The following PRR23C variants were observed in gnomAD, a reference collection of about 807,000 sequenced individuals.
The protein encoded by PRR23C is proline rich 23C, also known as proline-rich protein 23C.
PRR23C carries 1 observed loss-of-function variant against 0.1 expected under a neutral mutation model. The observed-to-expected ratio is 6.80, with a 90% CI of 2.41 to 32.24. PRR23C has a LOEUF of 32.24. PRR23C is among the 30% of genes most tolerant of loss of function. The pLI, the probability that PRR23C is intolerant of heterozygous loss-of-function variation, is 0.11. For missense variants in PRR23C, 361 were observed against 370.4 expected (o/e 0.97, Z 0.21); for synonymous variants, 172 against 168.1 (o/e 1.02, Z -0.18).
rs752430754 is a variant in PRR23C at position 139,043,998 on chromosome 3, C to G, written c.623G>C (p.Arg208Thr). 2 of 1,612,616 alleles carry G rather than the reference C, an allele frequency of 1.2e-6. No individual in the cohort carries two copies. The highest frequency in any genetic ancestry group is 2.2e-5 in the South Asian group (2 of 90,770). Reference sequence around the variant, plus strand: ...GTCGAAGATGGGGCGTGGAGAGCGTCTCTCTGAACTGGGGTTGGGGGCCAG... The same window carrying G: ...GTCGAAGATGGGGCGTGGAGAGCGTGTCTCTGAACTGGGGTTGGGGGCCAG... Reference protein sequence around the residue: ...CALAPNPSSERRSPRPIFDLE... With the variant: ...CALAPNPSSETRSPRPIFDLE... The change falls in exon 1 of 1, where the codon AGA becomes ACA. Residue 208 changes from arginine (R) to threonine (T), a missense_variant. Transcript: ENST00000413199.
chr3:139,044,254 C>G lies in PRR23C; in HGVS notation c.367G>C (p.Glu123Gln). 1 of 1,609,662 alleles carries G rather than the reference C, an allele frequency of 6.2e-7. No individual in the cohort carries two copies. The highest frequency in any genetic ancestry group is 2.2e-5 in the East Asian group (1 of 44,656). Residue 123 changes from glutamate (E) to glutamine (Q), a missense_variant, in exon 1 of 1, where the codon GAA becomes CAA. Coordinates refer to ENST00000413199, the MANE Select transcript of PRR23C (RefSeq NM_001134657.1). The surrounding 1 kb of genome is among the most constrained non-coding windows in gnomAD (Gnocchi z 7.5). Reference sequence around the variant, plus strand: ...TGAGCGCCCAGGAAAACGTCCACTTCCAGGCCGGCAGACCAGTCGCCCTGC... The same window carrying G: ...TGAGCGCCCAGGAAAACGTCCACTTGCAGGCCGGCAGACCAGTCGCCCTGC... ...GAQGDWSAGL[E>Q]VDVFLGAHGE...
chr3:139,044,660 A>G lies in PRR23C; in HGVS notation c.-40T>C. ...TGCGGACGGCGCTCCTGGGCCTGGC[A>G]GGGGACGTGGGTGCGGGGGGCTCGG... On this transcript the variant is annotated 5_prime_UTR_variant, in exon 1 of 1. Coordinates refer to ENST00000413199, the MANE Select transcript of PRR23C (RefSeq NM_001134657.1). The surrounding 1 kb of genome is among the most constrained non-coding windows in gnomAD (Gnocchi z 7.5). The G allele has an allele frequency of 2.7e-6, 4 of 1,455,502 alleles. No homozygotes were observed. Among genetic ancestry groups the G allele is most frequent in the South Asian group, 1.4e-5 (1 of 69,572 alleles). 90.2% of individuals were successfully genotyped at this position (1,455,502 alleles called of 1,614,324 possible). A position where few individuals can be genotyped will look rare whatever the true frequency, so the allele number is the denominator to read the frequency against.
chr3:139,043,960 G>A lies in PRR23C; in HGVS notation c.661C>T (p.Leu221Phe). 6.2e-7 allele frequency: 1 copy of A among 1,609,478 alleles called. No homozygotes were observed. Among genetic ancestry groups the A allele is most frequent in the African/African-American group, 1.3e-5 (1 of 74,954 alleles). ...GGTGAGCTGGGGACAGGCTCCAGAAGATGGAATTCCAGGTCGAAGATGGGG... is the reference window on the plus strand; with the variant it reads ...GGTGAGCTGGGGACAGGCTCCAGAAAATGGAATTCCAGGTCGAAGATGGGG... ...PRPIFDLEFH[L>F]LEPVPSSPLQ... Residue 221 changes from leucine to phenylalanine, a missense_variant, in exon 1 of 1, where the codon CTT becomes TTT. Leu to Phe is a conservative substitution (Grantham distance 22). Coordinates refer to ENST00000413199, the MANE Select transcript of PRR23C (RefSeq NM_001134657.1).
Position 139,044,815 on chromosome 3 carries a change from T to A in PRR23C, c.-195A>T. ...GCTGCTGGGGGAACCTCGCACGCTGTGTGGCTCAGCCTCGCGCGATGGAAA... is the reference window on the plus strand; with the variant it reads ...GCTGCTGGGGGAACCTCGCACGCTGAGTGGCTCAGCCTCGCGCGATGGAAA... On this transcript the variant is annotated 5_prime_UTR_variant, in exon 1 of 1. Coordinates refer to ENST00000413199, the MANE Select transcript of PRR23C (RefSeq NM_001134657.1). This position sits in a 1 kb window ranked among gnomAD's most constrained non-coding sequence, Gnocchi z 7.5. 4 of 612,478 alleles carry A rather than the reference T, an allele frequency of 6.5e-6. No homozygotes were observed. The highest frequency in any genetic ancestry group is 8.1e-6 in the Non-Finnish European group (3 of 368,868). 37.9% of individuals were successfully genotyped at this position (612,478 alleles called of 1,614,324 possible). A position where few individuals can be genotyped will look rare whatever the true frequency, so the allele number is the denominator to read the frequency against.
Position 139,044,644 on chromosome 3 carries a change from C to A in PRR23C, c.-24G>T. 1 of 1,466,290 alleles carries A rather than the reference C, an allele frequency of 6.8e-7. No homozygotes were observed. Among genetic ancestry groups the A allele is most frequent in the Non-Finnish European group, 8.9e-7 (1 of 1,119,254 alleles). 90.8% of individuals were successfully genotyped at this position (1,466,290 alleles called of 1,614,324 possible). A position where few individuals can be genotyped will look rare whatever the true frequency, so the allele number is the denominator to read the frequency against. On this transcript the variant is annotated 5_prime_UTR_variant, in exon 1 of 1. Coordinates refer to ENST00000413199, the MANE Select transcript of PRR23C (RefSeq NM_001134657.1). The surrounding 1 kb of genome is among the most constrained non-coding windows in gnomAD (Gnocchi z 7.5). ...ATCACCTCGACGGCGCTGCGGACGG[C>A]GCTCCTGGGCCTGGCAGGGGACGTG...
Position 139,043,786 on chromosome 3 carries a change from G to C in PRR23C, c.*46C>G. The C allele has an allele frequency of 3.4e-6, 5 of 1,452,698 alleles. No individual in the cohort carries two copies. Among genetic ancestry groups the C allele is most frequent in the Admixed American group, 2.7e-5 (1 of 37,558 alleles). 90.0% of individuals were successfully genotyped at this position (1,452,698 alleles called of 1,614,324 possible). A position where few individuals can be genotyped will look rare whatever the true frequency, so the allele number is the denominator to read the frequency against. On this transcript the variant is annotated 3_prime_UTR_variant, in exon 1 of 1. Transcript: ENST00000413199. ...ATACACACAACGGCTATCAGGAGAC[G>C]GTCTCCTGGAGCCCAGCAGGGTGGC...
the PRR23C span, chr3:139,043,846 G>GGC: frequency 6.5e-7 from 1 of 1,542,314 alleles, no homozygotes; most frequent in Non-Finnish European, 8.7e-7. Context: ...TCCTGGAACA[G>GGC]GCGTCTTCGG....
chr3:139,044,514 C>T lies in PRR23C; in HGVS notation c.107G>A (p.Gly36Asp), dbSNP rs1937181465. 2 of 1,544,422 alleles carry T rather than the reference C, an allele frequency of 1.3e-6. No individual in the cohort carries two copies. The highest frequency in any genetic ancestry group is 1.7e-6 in the Non-Finnish European group (2 of 1,145,418). ...AKRSRLEEPA[G>D]PESRAAPSPE... ...GCTGGGCGCCGCTCGGGATTCGGGG[C>T]CCGCGGGCTCCTCCAATCGGCTGCG... Residue 36 changes from glycine to aspartate, a missense_variant, in exon 1 of 1, where the codon GGC (glycine) becomes GAC (aspartate). Transcript: ENST00000413199. This position sits in a 1 kb window ranked among gnomAD's most constrained non-coding sequence, Gnocchi z 7.5.
Position 139,044,161 on chromosome 3 carries a change from C to G in PRR23C, c.460G>C (p.Ala154Pro). 8 of 1,613,322 alleles carry G rather than the reference C, an allele frequency of 5.0e-6. No individual in the cohort carries two copies. Among genetic ancestry groups the G allele is most frequent in the Non-Finnish European group, 6.8e-6 (8 of 1,179,644 alleles). The change falls in exon 1 of 1, where the codon GCC becomes CCC. Residue 154 changes from alanine (A) to proline (P), a missense_variant. Coordinates refer to ENST00000413199, the MANE Select transcript of PRR23C (RefSeq NM_001134657.1). The surrounding 1 kb of genome is among the most constrained non-coding windows in gnomAD (Gnocchi z 7.5). The part of the protein sequence containing the change: ...SVPEIAAEEE[A>P]YEEDADSEFP... ...TCAGAGTCCGCGTCCTCCTCGTAGGCCTCTTCCTCGGCAGCGATCTCTGGG... is the reference window on the plus strand; with the variant it reads ...TCAGAGTCCGCGTCCTCCTCGTAGGGCTCTTCCTCGGCAGCGATCTCTGGG...
In PRR23C at chr3:139,044,303, G is replaced by A. The variant is rs1370012293; in HGVS notation, c.318C>T (p.Ser106=). ...TLIVIPEVLL[S]SVDECSGAQG... is the part of the protein sequence containing the mutation. ...GCGCTCCTGAGCATTCGTCGACGGA[G>A]CTCAGGAGGACCTCGGGGATCACGA... The change falls in exon 1 of 1, where the codon AGC becomes AGT. Residue 106 remains serine, a synonymous_variant. Transcript: ENST00000413199. The surrounding 1 kb of genome is among the most constrained non-coding windows in gnomAD (Gnocchi z 7.5). The A allele has an allele frequency of 6.2e-7, 1 of 1,610,556 alleles. No individual in the cohort carries two copies. Among genetic ancestry groups the A allele is most frequent in the Admixed American group, 1.7e-5 (1 of 59,548 alleles).
chr3:139,044,495 C>T lies in PRR23C; in HGVS notation c.126G>A (p.Ala42=). 2 of 1,541,720 alleles carry T rather than the reference C, an allele frequency of 1.3e-6. No individual in the cohort carries two copies. Among genetic ancestry groups the T allele is most frequent in the Non-Finnish European group, 1.7e-6 (2 of 1,144,218 alleles). The part of the protein sequence containing the change: ...EEPAGPESRA[A]PSPEDPAGTP... ...TCCCCGCCGGGTCTTCCGGGCTGGG[C>T]GCCGCTCGGGATTCGGGGCCCGCGG... The change falls in exon 1 of 1, where the codon GCG becomes GCA. Residue 42 remains alanine, a synonymous_variant. Transcript: ENST00000413199. This position sits in a 1 kb window ranked among gnomAD's most constrained non-coding sequence, Gnocchi z 7.5.
At position 139,044,727 on chromosome 3, in the gene PRR23C, C is replaced by G. The variant is rs1308965482; in HGVS notation, c.-107G>C. The G allele has an allele frequency of 1.6e-6, 2 of 1,273,990 alleles. No homozygotes were observed. The highest frequency in any genetic ancestry group is 2.1e-6 in the Non-Finnish European group (2 of 965,450). The allele number at this position is 1,273,990 out of a possible 1,614,324, so 78.9% of individuals were successfully genotyped here. ...TTGAGGTAACAGGTGTCGGCAGGAC[C>G]GCGCGACGCGGGGCGAGTCCTCGGA... On this transcript the variant is annotated 5_prime_UTR_variant, in exon 1 of 1. Transcript: ENST00000413199. The surrounding 1 kb of genome is among the most constrained non-coding windows in gnomAD (Gnocchi z 7.5).
Position 139,044,617 on chromosome 3 carries a change from C to T in PRR23C, c.4G>A (p.Gly2Ser). 1 of 1,510,026 alleles carries T rather than the reference C, an allele frequency of 6.6e-7. No homozygotes were observed. The highest frequency in any genetic ancestry group is 2.6e-5 in the East Asian group (1 of 38,900). The allele number at this position is 1,510,026 out of a possible 1,614,324, so 93.5% of individuals were successfully genotyped here. The change falls in exon 1 of 1, where the codon GGC becomes AGC. Residue 2 changes from glycine to serine, a missense_variant. Gly to Ser is a moderately conservative substitution (Grantham distance 56). Coordinates refer to ENST00000413199, the MANE Select transcript of PRR23C (RefSeq NM_001134657.1). This position sits in a 1 kb window ranked among gnomAD's most constrained non-coding sequence, Gnocchi z 7.5. ...GCGCTGGGGCTGCAGGGCCGGCTGC[C>T]CATCACCTCGACGGCGCTGCGGACG... M[G>S]SRPCSPSACL... is the part of the protein sequence containing the mutation.
rs939436934 is a variant in PRR23C at position 139,042,284 on chromosome 3, C to G, written c.*1548G>C. The G allele has an allele frequency of 6.6e-6, 1 of 152,166 alleles. No homozygotes were observed. The highest frequency in any genetic ancestry group is 2.4e-5 in the African/African-American group (1 of 41,440). The allele number at this position is 152,166 out of a possible 1,614,324, so 9.4% of individuals were successfully genotyped here. ...CTCTTGCCAGGTTTCTGTACGTACT[C>G]TTGTGGCCCAAAGGTTCCATCTAGC... On this transcript the variant is annotated 3_prime_UTR_variant, in exon 1 of 1. Coordinates refer to ENST00000413199, the MANE Select transcript of PRR23C (RefSeq NM_001134657.1).
At position 139,044,532 on chromosome 3, in the gene PRR23C, C is replaced by T; in HGVS notation, c.89G>A (p.Arg30Gln). 10 of 1,544,910 alleles carry T rather than the reference C, an allele frequency of 6.5e-6. No individual in the cohort carries two copies. Among genetic ancestry groups the T allele is most frequent in the Non-Finnish European group, 8.7e-6 (10 of 1,145,992 alleles). Residue 30 changes from arginine (R) to glutamine (Q), a missense_variant, in exon 1 of 1, where the codon CGA becomes CAA. Physicochemically the swap from Arg to Gln is conservative, Grantham distance 43 (BLOSUM62 1). Transcript: ENST00000413199. This position sits in a 1 kb window ranked among gnomAD's most constrained non-coding sequence, Gnocchi z 7.5. ...TTCGGGGCCCGCGGGCTCCTCCAAT[C>T]GGCTGCGCTTGGCAGGGCCTGGTCC... ...PGGPGPAKRS[R>Q]LEEPAGPESR...
In PRR23C at chr3:139,043,081, A is replaced by C. The variant is rs1046294403; in HGVS notation, c.*751T>G. Reference sequence around the variant, plus strand: ...ACAAACAAACAAACAACACACACACACATACACACACAGAGTCTTAGAATT... The same window carrying C: ...ACAAACAAACAAACAACACACACACCCATACACACACAGAGTCTTAGAATT... On this transcript the variant is annotated 3_prime_UTR_variant, in exon 1 of 1. Transcript: ENST00000413199. 6.6e-6 allele frequency: 1 copy of C among 151,926 alleles called. No individual in the cohort carries two copies. Among genetic ancestry groups the C allele is most frequent in the East Asian group, 1.9e-4 (1 of 5,186 alleles). 9.4% of individuals were successfully genotyped at this position (151,926 alleles called of 1,614,324 possible). A position where few individuals can be genotyped will look rare whatever the true frequency, so the allele number is the denominator to read the frequency against.
chr3:139,044,152 C>T lies in PRR23C; in HGVS notation c.469G>A (p.Glu157Lys). The T allele has an allele frequency of 1.9e-6, 3 of 1,613,210 alleles. No individual in the cohort carries two copies. Among genetic ancestry groups the T allele is most frequent in the Middle Eastern group, 3.3e-4 (2 of 6,062 alleles). ...EIAAEEEAYE[E>K]DADSEFPELW... is the part of the protein sequence containing the mutation. ...TCCGGGAACTCAGAGTCCGCGTCCT[C>T]CTCGTAGGCCTCTTCCTCGGCAGCG... is the stretch of plus-strand genomic sequence containing the variant. Residue 157 changes from glutamate (E) to lysine (K), a missense_variant, in exon 1 of 1, where the codon GAG (glutamate) becomes AAG (lysine). Transcript: ENST00000413199. This position sits in a 1 kb window ranked among gnomAD's most constrained non-coding sequence, Gnocchi z 7.5.
At position 139,044,355 on chromosome 3, in the gene PRR23C, C is replaced by G. The variant is rs1043092405; in HGVS notation, c.266G>C (p.Arg89Pro). 6.2e-7 allele frequency: 1 copy of G among 1,604,274 alleles called. No individual in the cohort carries two copies. The highest frequency in any genetic ancestry group is 1.1e-5 in the South Asian group (1 of 89,080). Residue 89 changes from arginine to proline, a missense_variant, in exon 1 of 1, where the codon CGA (arginine) becomes CCA (proline). By Grantham distance (103) the Arg-to-Pro change is moderately radical. Transcript: ENST00000413199. This position sits in a 1 kb window ranked among gnomAD's most constrained non-coding sequence, Gnocchi z 7.5. ...VLELAPMSVL[R>P]VSLGGHTLIV... ...GAGGGTGTGTCCACCAAGAGACACT[C>G]GCAGGACCGACATTGGCGCGAGCTC...
Position 139,044,513 on chromosome 3 carries a change from G to A in PRR23C, c.108C>T (p.Gly36=). 6.5e-7 allele frequency: 1 copy of A among 1,544,510 alleles called. No individual in the cohort carries two copies. The highest frequency in any genetic ancestry group is 8.7e-7 in the Non-Finnish European group (1 of 1,145,400). The stretch of plus-strand genomic sequence containing the variant: ...GGCTGGGCGCCGCTCGGGATTCGGG[G>A]CCCGCGGGCTCCTCCAATCGGCTGC... ...AKRSRLEEPA[G]PESRAAPSPE... is the part of the protein sequence containing the mutation. Residue 36 remains glycine, a synonymous_variant, in exon 1 of 1, where the codon GGC becomes GGT. Transcript: ENST00000413199. The surrounding 1 kb of genome is among the most constrained non-coding windows in gnomAD (Gnocchi z 7.5).
Sources: allele counts gnomAD v4.1 joint callset, GRCh38; gene constraint gnomAD v4.1.1; non-coding constraint Gnocchi (gnomAD v3.1); transcripts MANE v1.5; gene names NCBI Gene and HGNC (gene_info 2026-07-23, HGNC 2026-07-21).